The following SAMD11 variants were observed in gnomAD, a reference collection of about 807,000 sequenced individuals.
SAMD11 encodes sterile alpha motif domain containing 11.
A neutral mutation model predicts 64.4 loss-of-function variants in SAMD11; 77 were observed. That is an observed-to-expected ratio of 1.20 (90% CI 0.99 to 1.44). SAMD11 has a LOEUF of 1.44. Among genes scored for constraint, SAMD11 ranks in the 40% most tolerant of loss-of-function variants. The pLI is 0.00. For synonymous variants in SAMD11, 658 were observed against 421.9 expected, an observed-to-expected ratio of 1.56 and a Z score of -6.86; for missense variants, 1,402 against 943.3, an observed-to-expected ratio of 1.49 and a Z score of -6.37.
At position 941,133 on chromosome 1, in the gene SAMD11, C is replaced by G; in HGVS notation, c.1196-11C>G. Reference sequence around the variant, plus strand: ...TAGCCGGGGGGATCACTGCTGTTGTCCCCCACCCAGATCTCCTGAGGGTCC... The same window carrying G: ...TAGCCGGGGGGATCACTGCTGTTGTGCCCCACCCAGATCTCCTGAGGGTCC... On this transcript the variant is annotated splice_polypyrimidine_tract_variant and intron_variant, in intron 7 of 13. Coordinates refer to ENST00000616016, the MANE Select transcript of SAMD11 (RefSeq NM_001385641.1). The G allele has an allele frequency of 1.3e-6, 2 of 1,590,648 alleles. No individual in the cohort carries two copies. The highest frequency in any genetic ancestry group is 2.3e-5 in the East Asian group (1 of 43,542).
In SAMD11 at chr1:943,689, C is replaced by T. The variant is rs375430553; in HGVS notation, c.2179-9C>T. On this transcript the variant is annotated splice_polypyrimidine_tract_variant and intron_variant, in intron 12 of 13. Coordinates refer to ENST00000616016, the MANE Select transcript of SAMD11 (RefSeq NM_001385641.1). ...CCGGGTCCTGACCCTCCCTCCCTCCCCCTTCCAGGTCTTCAGGGAGCAGGG... is the reference window on the plus strand; with the variant it reads ...CCGGGTCCTGACCCTCCCTCCCTCCTCCTTCCAGGTCTTCAGGGAGCAGGG... 9.0e-6 allele frequency: 14 copies of T among 1,557,910 alleles called. No individual in the cohort carries two copies. The highest frequency in any genetic ancestry group is 1.1e-5 in the Non-Finnish European group (13 of 1,150,700).
intron 3 of SAMD11, among the ~76,000 whole-genome samples, chr1:930,542 C>T (rs956292905): frequency 1.1e-4 from 17 of 152,182 alleles, no homozygotes; most frequent in African/African-American, 4.1e-4. Flanking sequence ...CTCTGCTCTG[C>T]GGCGCTCACT....
chr1:940,971 G>A (rs1569907770), intron 7 of SAMD11, 173 bp from the exon 8 acceptor site: 1 of 544,940 alleles, frequency 1.8e-6, no homozygotes, highest in South Asian at 2.5e-5. Context: ...CTTGTCTGCC[G>A]TCTCGGCCCT....
chr1:941,383 G>T, intron 8 of SAMD11, 77 bp downstream of exon 8: 1 of 1,356,172 alleles, frequency 7.4e-7, no homozygotes, highest in Non-Finnish European at 9.8e-7. Flanking sequence ...ACCAGCACGC[G>T]CCCCGAGAGT....
At chr1:943,455 T>C in intron 12 of SAMD11, 78 bp downstream of exon 12, 1 of 1,274,056 alleles carries the variant, frequency 7.8e-7, no homozygotes, top group Non-Finnish European at 1.1e-6. Context: ...GATGGTGGGG[T>C]AGGGCCATTC....
intron 5 of SAMD11, 108 bp from the exon 6 acceptor site, chr1:938,931 CA>C: frequency 4.1e-6 from 4 of 983,948 alleles, no homozygotes; most frequent in Non-Finnish European, 6.3e-6. Flanking sequence ...TCACCAGGAC[CA>C]AGGGCCCCCT....
Position 925,962 on chromosome 1 carries a change from G to C in SAMD11, c.558G>C (p.Gln186His). The change falls in exon 2 of 14, where the codon CAG becomes CAC. Residue 186 changes from glutamine (Q) to histidine (H), a missense_variant. Physicochemically the swap from Gln to His is conservative, Grantham distance 24 (BLOSUM62 0). Coordinates refer to ENST00000616016, the MANE Select transcript of SAMD11 (RefSeq NM_001385641.1). ...CGCTTATGTCCAAGGGGATCCTGCA[G>C]GTGCATCCTCCGATCTGCGACTGCC... is the stretch of plus-strand genomic sequence containing the variant. ...LKTLMSKGILQVHPPICDCPG... is the reference protein window; with the variant it reads ...LKTLMSKGILHVHPPICDCPG... 2 of 1,612,166 alleles carry C rather than the reference G, an allele frequency of 1.2e-6. No individual in the cohort carries two copies. Among genetic ancestry groups the C allele is most frequent in the Non-Finnish European group, 1.7e-6 (2 of 1,179,944 alleles).
chr1:924,024 C>G lies in SAMD11; in HGVS notation c.-408C>G, dbSNP rs71509444. The stretch of plus-strand genomic sequence containing the variant: ...CGGCGGGGCGGGGGCTTGGGACCCC[C>G]GAGAGGGGCGGGGACTCCGCGACTC... On this transcript the variant is annotated 5_prime_UTR_variant, in exon 1 of 14. Coordinates refer to ENST00000616016, the MANE Select transcript of SAMD11 (RefSeq NM_001385641.1). 116,846 of 150,116 alleles carry G rather than the reference C, an allele frequency of 0.78. 50,311 individuals carry two copies. The highest frequency in any genetic ancestry group is 0.97 in the Non-Finnish European group (65,519 of 67,292). 9.3% of individuals were successfully genotyped at this position (150,116 alleles called of 1,614,324 possible).
At position 925,969 on chromosome 1, in the gene SAMD11, C is replaced by T. The variant is rs200686669; in HGVS notation, c.565C>T (p.Pro189Ser). ...LMSKGILQVHPPICDCPGCRI... is the reference protein window; with the variant it reads ...LMSKGILQVHSPICDCPGCRI... ...GTCCAAGGGGATCCTGCAGGTGCAT[C>T]CTCCGATCTGCGACTGCCCGGGCTG... Residue 189 changes from proline (P) to serine (S), a missense_variant, in exon 2 of 14, where the codon CCT becomes TCT. Transcript: ENST00000616016. 1.4e-4 allele frequency: 223 copies of T among 1,612,090 alleles called. No individual in the cohort carries two copies. Among genetic ancestry groups the T allele is most frequent in the Non-Finnish European group, 7.1e-5 (84 of 1,179,958 alleles).
chr1:930,039 C>T (rs1197421275), intron 2 of SAMD11, 116 bp from the exon 3 acceptor site: 15 of 1,262,062 alleles, frequency 1.2e-5, no homozygotes, highest in African/African-American at 6.0e-5. Flanking sequence ...GCCTGGGGTG[C>T]GAGACCAGGG....
At chr1:936,546 C>T (rs1018117455) in intron 5 of SAMD11, among the ~76,000 whole-genome samples, 10 of 152,138 alleles carry the variant, frequency 6.6e-5, no homozygotes. Flanking sequence ...AGGCCCCCCT[C>T]AGAGGGCACT....
Position 941,135 on chromosome 1 carries a change from C to G in SAMD11, c.1196-9C>G, listed in dbSNP as rs1052826814. The G allele has an allele frequency of 6.3e-7, 1 of 1,592,458 alleles. No individual in the cohort carries two copies. The highest frequency in any genetic ancestry group is 1.7e-5 in the Admixed American group (1 of 57,840). On this transcript the variant is annotated splice_polypyrimidine_tract_variant and intron_variant, in intron 7 of 13. Transcript: ENST00000616016. ...GCCGGGGGGATCACTGCTGTTGTCC[C>G]CCACCCAGATCTCCTGAGGGTCCGG...
rs747869301 is a variant in SAMD11 at position 942,398 on chromosome 1, C to T, written c.1475-12C>T. The T allele has an allele frequency of 1.3e-4, 189 of 1,451,770 alleles. No homozygotes were observed. The highest frequency in any genetic ancestry group is 6.1e-5 in the Non-Finnish European group (67 of 1,101,496). The allele number at this position is 1,451,770 out of a possible 1,614,324, so 89.9% of individuals were successfully genotyped here. On this transcript the variant is annotated splice_polypyrimidine_tract_variant and intron_variant, in intron 9 of 13. Transcript: ENST00000616016. Reference sequence around the variant, plus strand: ...GGACCCCCCGACCCCGCGTTGTCCCCCTCCCCACCAGGCTACGGCTTCCTG... The same window carrying T: ...GGACCCCCCGACCCCGCGTTGTCCCTCTCCCCACCAGGCTACGGCTTCCTG...
chr1:943,450 T>TG, intron 12 of SAMD11, 73 bp downstream of exon 12: 1 of 1,328,476 alleles, frequency 7.5e-7, no homozygotes, highest in Non-Finnish European at 1.0e-6. Context: ...GAAAGGATGG[T>TG]GGGGTAGGGC....
chr1:930,048 G>A, intron 2 of SAMD11, 107 bp from the exon 3 acceptor site: 2 of 1,347,440 alleles, frequency 1.5e-6, no homozygotes, highest in Non-Finnish European at 2.0e-6. Flanking sequence ...GCGAGACCAG[G>A]GCAGACCCCC....
At position 933,142 on chromosome 1, in the gene SAMD11, A is replaced by AG. The variant is rs201279316; in HGVS notation, c.842+2056dup. Among the ~76,000 whole-genome samples, 35 of 152,328 alleles carry AG rather than the reference A, an allele frequency of 2.3e-4. No individual in the cohort carries two copies. The East Asian group carries it at 6.7e-3, about 29-fold the overall frequency. On this transcript the variant is annotated intron_variant, in intron 4 of 13. Coordinates refer to ENST00000616016, the MANE Select transcript of SAMD11 (RefSeq NM_001385641.1). ...AGGGGCTTCGTCCCTTGTGCGAAGC[A>AG]GGGTGCAGAGGGCATTCTGTGGTTC...
At position 943,338 on chromosome 1, in the gene SAMD11, C is replaced by CT. The variant is rs753028150; in HGVS notation, c.2141dup (p.Val715ArgfsTer189). 1 of 1,601,252 alleles carries CT rather than the reference C, an allele frequency of 6.2e-7. No individual in the cohort carries two copies. The highest frequency in any genetic ancestry group is 8.5e-7 in the Non-Finnish European group (1 of 1,173,190). ...AGTGGACCGTGGATGACGTCTGCAG[C>CT]TTCGTGGGGGGCCTGTCTGGCTGTG... is the stretch of plus-strand genomic sequence containing the variant. On this transcript the variant is annotated frameshift_variant, in exon 12 of 14. Transcript: ENST00000616016. LOFTEE classifies it high-confidence loss of function.
chr1:944,523 C>A lies in SAMD11; in HGVS notation c.*370C>A, dbSNP rs1455551356. On this transcript the variant is annotated 3_prime_UTR_variant, in exon 14 of 14. Coordinates refer to ENST00000616016, the MANE Select transcript of SAMD11 (RefSeq NM_001385641.1). ...GCAGCCACACCAGCCCAGCCCAGCCCAGCTCTCGATACGTTTGGTCTTTCA... is the reference window on the plus strand; with the variant it reads ...GCAGCCACACCAGCCCAGCCCAGCCAAGCTCTCGATACGTTTGGTCTTTCA... The A allele has an allele frequency of 5.9e-5, 37 of 626,464 alleles. No homozygotes were observed. The highest frequency in any genetic ancestry group is 2.7e-6 in the Non-Finnish European group (1 of 371,580). The allele number at this position is 626,464 out of a possible 1,614,324, so 38.8% of individuals were successfully genotyped here.
At chr1:928,159 C>T (rs564895267) in intron 2 of SAMD11, among the ~76,000 whole-genome samples, 102 of 151,570 alleles carry the variant, frequency 6.7e-4, no homozygotes, top group African/African-American at 1.5e-3. Flanking sequence ...TTTGGGAGGC[C>T]GAGGCGGGCG....
Sources: gnomAD v4.1 joint callset for allele counts (sites outside exome capture counted in the v4.1 genomes callset) on GRCh38, gnomAD v4.1.1 for gene constraint, MANE v1.5 for transcripts, NCBI Gene and HGNC (gene_info 2026-07-23, HGNC 2026-07-21) for gene names.